Variants in TBC1D10A observed in about 807,000 individuals in gnomAD.
TBC1D10A encodes EBP50-PDX interactor of 64 kDa.
TBC1D10A carries 24 observed loss-of-function variants against 52.9 expected under a neutral mutation model. The ratio of observed to expected loss-of-function variants is 0.45; its 90% CI spans 0.33 to 0.64. The LOEUF (loss-of-function observed/expected upper bound fraction) is 0.64, where lower values mean the gene tolerates loss of function less well. Ranked by LOEUF, TBC1D10A falls within the 30% of genes least tolerant of loss-of-function variation. The pLI is 0.02. For synonymous variants in TBC1D10A, 278 were observed against 282.9 expected, an observed-to-expected ratio of 0.98 and a Z score of 0.17; for missense variants, 602 against 687.9, an observed-to-expected ratio of 0.88 and a Z score of 1.40.
intron 1 of TBC1D10A, among the ~76,000 whole-genome samples, chr22:30,312,046 G>A (rs1930436347): frequency 6.6e-6 from 1 of 152,210 alleles, no homozygotes; most frequent in African/African-American, 2.4e-5. Flanking sequence ...GCCTGCATCA[G>A]CCTCCCAAAG....
At chr22:30,324,385 T>A (rs1930722906) in intron 1 of TBC1D10A, among the ~76,000 whole-genome samples, 2 of 152,060 alleles carry the variant, frequency 1.3e-5, no homozygotes, top group Admixed American at 1.3e-4. Flanking sequence ...ATACCAGAGA[T>A]TTTAGGTTGA....
chr22:30,317,530 T>C (rs201800603), intron 1 of TBC1D10A, among the ~76,000 whole-genome samples: 1 of 144,306 alleles, frequency 6.9e-6, no homozygotes, highest in Non-Finnish European at 1.5e-5. Context: ...TCAGCAGTAT[T>C]TGTTTACACT....
chr22:30,308,030 AG>A (rs147238319), intron 1 of TBC1D10A: 9,551 of 152,346 alleles, frequency 0.063, 442 homozygotes, highest in Non-Finnish European at 0.098. Context: ...TCCTGACCTC[AG>A]GCGATCCACC....
At chr22:30,317,121 AC>A (rs1930554177) in intron 1 of TBC1D10A, among the ~76,000 whole-genome samples, 1 of 152,176 alleles carries the variant, frequency 6.6e-6, no homozygotes, top group South Asian at 2.1e-4. Context: ...AGATTAAGCA[AC>A]TTTTGACCGG....
chr22:30,322,568 TG>T (rs1930677687), intron 1 of TBC1D10A, among the ~76,000 whole-genome samples: 1 of 148,532 alleles, frequency 6.7e-6, no homozygotes, highest in Non-Finnish European at 1.5e-5. Context: ...TGTATGCTGA[TG>T]GCCATCTCTA....
intron 1 of TBC1D10A, among the ~76,000 whole-genome samples, chr22:30,309,126 C>T (rs1173328880): frequency 6.6e-6 from 1 of 152,188 alleles, no homozygotes; most frequent in Non-Finnish European, 1.5e-5. Flanking sequence ...AGTGTTGTGA[C>T]TGCCCCAGTG....
intron 1 of TBC1D10A, among the ~76,000 whole-genome samples, chr22:30,311,054 C>T (rs1022008297): frequency 6.6e-6 from 1 of 152,188 alleles, no homozygotes; most frequent in African/African-American, 2.4e-5. Context: ...GAGGGTTTCC[C>T]TCTCCACCCA....
chr22:30,303,314 C>T (rs12157860), intron 2 of TBC1D10A, among the ~76,000 whole-genome samples: 14 of 145,536 alleles, frequency 9.6e-5, no homozygotes, highest in South Asian at 2.1e-4. Context: ...GATAGACAGA[C>T]AGACAGACAG....
chr22:30,292,833 T>A lies in TBC1D10A; in HGVS notation c.1069A>T (p.Thr357Ser). The A allele has an allele frequency of 6.2e-7, 1 of 1,611,162 alleles. No individual in the cohort carries two copies. Among genetic ancestry groups the A allele is most frequent in the Non-Finnish European group, 8.5e-7 (1 of 1,179,934 alleles). Reference sequence around the variant, plus strand: ...TGTTCGCGCTCAATCTGGCGCTCTGTCACGGGCAACTCCACCACCTGCAGG... The same window carrying A: ...TGTTCGCGCTCAATCTGGCGCTCTGACACGGGCAACTCCACCACCTGCAGG... The part of the protein sequence containing the change: ...LVQEVVELPV[T>S]ERQIEREHLI... The change falls in exon 9 of 9, where the codon ACA becomes TCA. Residue 357 changes from threonine to serine, a missense_variant. Physicochemically the swap from Thr to Ser is moderately conservative, Grantham distance 58. Around this residue, in one of 3 missense-constraint regions of TBC1D10A, gnomAD observed 265 missense variants for 275.1 expected, o/e 0.96. Coordinates refer to ENST00000215790, the MANE Select transcript of TBC1D10A (RefSeq NM_031937.3).
At chr22:30,318,728 C>A in intron 1 of TBC1D10A, 2 of 470,926 alleles carry the variant, frequency 4.2e-6, no homozygotes, top group South Asian at 3.1e-5. Flanking sequence ...ATCCTCACTG[C>A]TCCAGACCTC....
At chr22:30,309,576 G>C (rs921290053) in intron 1 of TBC1D10A, among the ~76,000 whole-genome samples, 2 of 152,208 alleles carry the variant, frequency 1.3e-5, no homozygotes, top group South Asian at 4.1e-4. Context: ...GAAAGGCTCA[G>C]AGGAGACAAA....
chr22:30,306,735 C>T (rs1241618809), intron 1 of TBC1D10A, among the ~76,000 whole-genome samples: 1 of 152,094 alleles, frequency 6.6e-6, no homozygotes, highest in Non-Finnish European at 1.5e-5. Flanking sequence ...ATGGCTTTTC[C>T]TTTAACAGCA....
chr22:30,313,563 T>A, intron 1 of TBC1D10A, among the ~76,000 whole-genome samples: 1 of 134,362 alleles, frequency 7.4e-6, no homozygotes, highest in East Asian at 2.1e-4. Flanking sequence ...TTTTTTTTTT[T>A]TTTTTTTTTT....
At position 30,326,834 on chromosome 22, in the gene TBC1D10A, C is replaced by T; in HGVS notation, c.48G>A (p.Gly16=). The change falls in exon 1 of 9, where the codon GGG becomes GGA. Residue 16 remains glycine, a synonymous_variant. Coordinates refer to ENST00000215790, the MANE Select transcript of TBC1D10A (RefSeq NM_031937.3). ...GENGPRAPAA[G]ESLSGTRESL... ...TCTCCCGGGTTCCCGACAGGCTTTC[C>T]CCGGCCGCGGGCGCGCGCGGCCCAT... is the stretch of plus-strand genomic sequence containing the variant. The T allele has an allele frequency of 6.8e-7, 1 of 1,475,866 alleles. No homozygotes were observed. The highest frequency in any genetic ancestry group is 8.9e-7 in the Non-Finnish European group (1 of 1,120,766). The allele number at this position is 1,475,866 out of a possible 1,614,324, so 91.4% of individuals were successfully genotyped here.
At chr22:30,293,542 T>G (rs1929998315) in intron 8 of TBC1D10A, 109 bp downstream of exon 8, 1 of 1,461,706 alleles carries the variant, frequency 6.8e-7, no homozygotes, top group Non-Finnish European at 9.3e-7. Flanking sequence ...CTAGCAATGG[T>G]CCTGGCATAG....
chr22:30,316,461 G>GTTTTTT (rs71328836), intron 1 of TBC1D10A, among the ~76,000 whole-genome samples: 1 of 143,116 alleles, frequency 7.0e-6, no homozygotes, highest in African/African-American at 2.6e-5. Context: ...TTTTGTTTTT[G>GTTTTTT]TTTTTTTTTT....
At chr22:30,302,001 C>T (rs767456950) in intron 2 of TBC1D10A, among the ~76,000 whole-genome samples, 5 of 152,228 alleles carry the variant, frequency 3.3e-5, no homozygotes, top group African/African-American at 7.2e-5. Flanking sequence ...GGCTCTCCCA[C>T]AGAGCTAAGC....
chr22:30,322,769 T>C (rs916901534), intron 1 of TBC1D10A, among the ~76,000 whole-genome samples: 2 of 151,584 alleles, frequency 1.3e-5, no homozygotes, highest in Non-Finnish European at 2.9e-5. Context: ...CTAATTTTTG[T>C]ATTTTTTGTA....
At position 30,313,341 on chromosome 22, in the gene TBC1D10A, A is replaced by ATGTGTGTGTGTGTGTGTGTG. The variant is rs6147586; in HGVS notation, c.210-8731_210-8712dup. ...CTGATACCTAGCTGGTGCTCAATAA[A>ATGTGTGTGTGTGTGTGTGTG]TGTGTGTGTGTGTGTGTGTGTGTGT... is the stretch of plus-strand genomic sequence containing the variant. On this transcript the variant is annotated intron_variant, in intron 1 of 8. Transcript: ENST00000215790. Among the ~76,000 whole-genome samples the ATGTGTGTGTGTGTGTGTGTG allele has an allele frequency of 1.4e-4, 20 of 138,022 alleles. 1 individual carries two copies. The highest frequency in any genetic ancestry group is 5.1e-4 in the African/African-American group (18 of 35,412). 90.5% of individuals were successfully genotyped at this position (138,022 alleles called of 152,430 possible).
Sources: allele counts gnomAD v4.1 joint callset (sites outside exome capture counted in the v4.1 genomes callset), GRCh38; gene constraint gnomAD v4.1.1; regional missense constraint gnomAD v4.1.1; transcripts MANE v1.5; gene names NCBI Gene and HGNC (gene_info 2026-07-23, HGNC 2026-07-21).